Variants in ENKUR observed in about 807,000 individuals in gnomAD.
ENKUR encodes enkurin.
Under a neutral mutation model 27.6 loss-of-function variants are expected in ENKUR, and 19 were observed. That is an observed-to-expected ratio of 0.69 (90% CI 0.48 to 1.01). The LOEUF (loss-of-function observed/expected upper bound fraction) is 1.01, where lower values mean the gene tolerates loss of function less well. Among genes scored for constraint, ENKUR ranks in the 50% least tolerant of loss-of-function variants. The probability of loss-of-function intolerance (pLI) is 0.00; values close to 1 mark genes in which losing one functional copy is unlikely to be tolerated. For synonymous variants in ENKUR, 117 were observed against 96.9 expected, an observed-to-expected ratio of 1.21 and a Z score of -1.22; for missense variants, 312 against 310.5, an observed-to-expected ratio of 1.00 and a Z score of -0.04.
At chr10:25,057,645 A>G (rs760239231) in intron 2 of ENKUR, among the ~76,000 whole-genome samples, 1 of 152,054 alleles carries the variant, frequency 6.6e-6, no homozygotes, top group African/African-American at 2.4e-5. Context: ...TTGTACCACT[A>G]CCTCTGTGGG....
At chr10:25,029,148 G>T (rs183810658) in intron 2 of ENKUR, among the ~76,000 whole-genome samples, 31 of 152,094 alleles carry the variant, frequency 2.0e-4, no homozygotes, top group Middle Eastern at 3.4e-3. Context: ...TATGTTGAAG[G>T]TTAGTGACTG....
intron 3 of ENKUR, among the ~76,000 whole-genome samples, 193 bp downstream of exon 3, chr10:24,995,453 T>C (rs1326477068): frequency 6.6e-6 from 1 of 152,230 alleles, no homozygotes; most frequent in Admixed American, 6.5e-5. Flanking sequence ...TATATGGAAT[T>C]GTTTACTATG....
intron 1 of ENKUR, among the ~76,000 whole-genome samples, chr10:25,012,969 G>T (rs763839160): frequency 6.6e-6 from 1 of 152,172 alleles, no homozygotes; most frequent in Non-Finnish European, 1.5e-5. Flanking sequence ...GGAGGGATCT[G>T]GTGATAGGTA....
intron 2 of ENKUR, among the ~76,000 whole-genome samples, chr10:25,050,448 AG>A (rs752077394): frequency 6.6e-6 from 1 of 152,218 alleles, no homozygotes; most frequent in Non-Finnish European, 1.5e-5. Context: ...GCATGGTGGC[AG>A]GCAAGAGAGC....
At chr10:24,995,567 A>G in intron 3 of ENKUR, 79 bp downstream of exon 3, 2 of 1,258,186 alleles carry the variant, frequency 1.6e-6, no homozygotes, top group Non-Finnish European at 1.1e-6. Flanking sequence ...ACTAATAATG[A>G]TAACATAGAT....
At chr10:25,041,684 T>G (rs1173405862) in intron 2 of ENKUR, among the ~76,000 whole-genome samples, 1 of 152,206 alleles carries the variant, frequency 6.6e-6, no homozygotes, top group Non-Finnish European at 1.5e-5. Context: ...TCATCCCCAT[T>G]CTTATGAGCT....
intron 1 of ENKUR, among the ~76,000 whole-genome samples, chr10:25,007,895 T>C (rs1233911178): frequency 6.6e-6 from 1 of 151,610 alleles, no homozygotes; most frequent in Non-Finnish European, 1.5e-5. Flanking sequence ...AATTATCCTG[T>C]CAACCACATA....
chr10:24,999,349 A>G, intron 2 of ENKUR, 52 bp downstream of exon 2: 1 of 1,523,906 alleles, frequency 6.6e-7, no homozygotes, highest in Non-Finnish European at 8.9e-7. Context: ...AATAATAGTT[A>G]AATCACCTGC....
intron 2 of ENKUR, among the ~76,000 whole-genome samples, chr10:24,997,755 A>G (rs1239668575): frequency 1.3e-5 from 2 of 151,318 alleles, no homozygotes; most frequent in South Asian, 2.1e-4. Context: ...TTGCCTTACA[A>G]TGTTTACAAA....
At chr10:25,019,940 T>C (rs1050913088), upstream of ENKUR, among the ~76,000 whole-genome samples, 4 of 152,146 alleles carry the variant, frequency 2.6e-5, no homozygotes, top group Non-Finnish European at 4.4e-5. Context: ...AGTCCATATA[T>C]ATGCCTTCTA....
chr10:24,986,733 A>G (rs1774940331), intron 4 of ENKUR, among the ~76,000 whole-genome samples: 1 of 152,226 alleles, frequency 6.6e-6, no homozygotes, highest in South Asian at 2.1e-4. Flanking sequence ...TTTGGATCAA[A>G]GTCAACAGCC....
upstream of ENKUR, among the ~76,000 whole-genome samples, chr10:25,020,067 G>A (rs1432451726): frequency 2.0e-5 from 3 of 151,902 alleles, no homozygotes; most frequent in Non-Finnish European, 4.4e-5. Context: ...GTGGTTAAAT[G>A]TTACAAAATA....
rs143704930 is a variant in ENKUR, at chr10:25,061,430, C to A, written c.-221-61G>T. The A allele has an allele frequency of 5.3e-4, 196 of 366,962 alleles. 3 individuals carry two copies. In the East Asian group the frequency reaches 8.4e-3, roughly 16 times the overall value. The allele number at this position is 366,962 out of a possible 1,614,324, so 22.7% of individuals were successfully genotyped here. A position where few individuals can be genotyped will look rare whatever the true frequency, so the allele number is the denominator to read the frequency against. On this transcript the variant is annotated intron_variant, in intron 1 of 5. Transcript: ENST00000615958. Reference sequence around the variant, plus strand: ...TGGAACCTCCCAACACAAACTGAATCTCTTCCTCCTTCTGCTCCTCATTGC... The same window carrying A: ...TGGAACCTCCCAACACAAACTGAATATCTTCCTCCTTCTGCTCCTCATTGC...
chr10:25,060,785 G>A (rs1851317484), intron 2 of ENKUR, among the ~76,000 whole-genome samples: 1 of 152,126 alleles, frequency 6.6e-6, no homozygotes, highest in South Asian at 2.1e-4. Context: ...ATAGCTCACT[G>A]CAGCCTCAAA....
At chr10:25,026,423 T>A (rs1006514132) in intron 2 of ENKUR, 2 of 167,078 alleles carry the variant, frequency 1.2e-5, no homozygotes, top group African/African-American at 4.8e-5. Context: ...TAAGAGTACT[T>A]GAGTAGTCTC....
At chr10:25,024,806 G>A (rs1367567712) in intron 2 of ENKUR, 20 of 1,614,024 alleles carry the variant, frequency 1.2e-5, no homozygotes, top group African/African-American at 6.7e-5. Flanking sequence ...ATCCCGATTC[G>A]AAAATTTATC....
chr10:25,061,824 G>A (rs1183171781), intron 1 of ENKUR, among the ~76,000 whole-genome samples: 2 of 152,140 alleles, frequency 1.3e-5, no homozygotes, highest in Non-Finnish European at 2.9e-5. Flanking sequence ...TGAGAAGTTA[G>A]TCTGAGGCGT....
At chr10:25,058,998 C>T (rs1294374771) in intron 2 of ENKUR, among the ~76,000 whole-genome samples, 3 of 151,844 alleles carry the variant, frequency 2.0e-5, no homozygotes, top group Admixed American at 6.6e-5. Flanking sequence ...AAACCCATTC[C>T]TCCAAGAAGC....
At chr10:25,027,356 T>TAAAAAAAAA (rs1564352066) in intron 2 of ENKUR, among the ~76,000 whole-genome samples, 2,586 of 45,676 alleles carry the variant, frequency 0.057, 464 homozygotes, top group East Asian at 0.13. Flanking sequence ...GACTCCCGTC[T>TAAAAAAAAA]CAAAAAAAAA....
Sources: gnomAD v4.1 joint callset for allele counts (sites outside exome capture counted in the v4.1 genomes callset) on GRCh38, gnomAD v4.1.1 for gene constraint, MANE v1.5 for transcripts, NCBI Gene and HGNC (gene_info 2026-07-23, HGNC 2026-07-21) for gene names.